SMG6: variants seen among roughly 807,000 people sequenced by gnomAD.
SMG6 encodes the protein SMG6 nonsense mediated mRNA decay factor.
In SMG6, 66 loss-of-function variants were observed where a neutral mutation model predicts 142.2. That is an observed-to-expected ratio of 0.46 (90% CI 0.38 to 0.57). SMG6 has a LOEUF of 0.57. Ranked by LOEUF, SMG6 falls within the 20% of genes least tolerant of loss-of-function variation. The pLI is 0.00. For missense variants in SMG6, 1,793 were observed against 1,832.0 expected, an observed-to-expected ratio of 0.98 and a Z score of 0.39; for synonymous variants, 779 against 702.4, an observed-to-expected ratio of 1.11 and a Z score of -1.72.
intron 13 of SMG6, among the ~76,000 whole-genome samples, chr17:2,164,331 G>A (rs1309107670): frequency 6.6e-6 from 1 of 151,722 alleles, no homozygotes; most frequent in Non-Finnish European, 1.5e-5. Context: ...GCTGAGGCAG[G>A]AGAATCGCTT....
At chr17:2,120,238 T>A (rs1471620891) in intron 13 of SMG6, among the ~76,000 whole-genome samples, 2 of 152,218 alleles carry the variant, frequency 1.3e-5, no homozygotes, top group African/African-American at 2.4e-5. Flanking sequence ...CTTTTGCTTA[T>A]CAAAAGATAT....
intron 8 of SMG6, among the ~76,000 whole-genome samples, chr17:2,274,192 C>T (rs1475406370): frequency 2.6e-5 from 4 of 152,288 alleles, no homozygotes; most frequent in South Asian, 4.1e-4. Flanking sequence ...AACATATGCC[C>T]TATAAAGTAA....
intron 10 of SMG6, among the ~76,000 whole-genome samples, chr17:2,203,028 T>A (rs1198017822): frequency 1.3e-5 from 2 of 152,126 alleles, no homozygotes; most frequent in Non-Finnish European, 2.9e-5. Context: ...GGGGGCTCTA[T>A]CAATACATCT....
At position 2,101,859 on chromosome 17, in the gene SMG6, T is replaced by A. The variant is rs544105316; in HGVS notation, c.3358-15958A>T. ...GCCAGTAACTGCAGGGGCCGGACTG[T>A]TCTAACTGCCACAGCTCTCCATGAT... On this transcript the variant is annotated intron_variant, in intron 13 of 18. Transcript: ENST00000263073. Among the ~76,000 whole-genome samples the A allele has an allele frequency of 3.3e-5, 5 of 152,320 alleles. No individual in the cohort carries two copies. The South Asian group carries it at 1.0e-3, about 32-fold the overall frequency.
At chr17:2,174,195 T>A (rs1409504670) in intron 12 of SMG6, among the ~76,000 whole-genome samples, 1 of 152,146 alleles carries the variant, frequency 6.6e-6, no homozygotes, top group African/African-American at 2.4e-5. Context: ...GGCCAGGAGT[T>A]CAAGACCAGC....
At chr17:2,183,095 G>A (rs539616529) in intron 12 of SMG6, among the ~76,000 whole-genome samples, 1 of 152,202 alleles carries the variant, frequency 6.6e-6, no homozygotes, top group Non-Finnish European at 1.5e-5. Context: ...GGTTGGTGGT[G>A]CATGCCTGTA....
At chr17:2,292,801 T>G in intron 5 of SMG6, 70 bp downstream of exon 5, 1 of 1,466,132 alleles carries the variant, frequency 6.8e-7, no homozygotes, top group Non-Finnish European at 9.6e-7. Context: ...CCACATGGCC[T>G]ACTGCTCTTA....
intron 8 of SMG6, among the ~76,000 whole-genome samples, chr17:2,278,363 C>T (rs1390305752): frequency 1.3e-5 from 2 of 151,942 alleles, no homozygotes; most frequent in African/African-American, 2.4e-5. Context: ...CCACTATGCC[C>T]AGGTAACTTT....
intron 3 of SMG6, 120 bp from the exon 4 acceptor site, chr17:2,297,473 G>T (rs992676231): frequency 1.4e-6 from 1 of 712,474 alleles, no homozygotes; most frequent in Non-Finnish European, 2.3e-6. Flanking sequence ...TATGAAAAGG[G>T]AGGCACGCAC....
intron 8 of SMG6, among the ~76,000 whole-genome samples, chr17:2,281,414 C>T (rs1156669649): frequency 6.6e-6 from 1 of 152,172 alleles, no homozygotes; most frequent in Admixed American, 6.5e-5. Context: ...CAGATGGGAG[C>T]CACCACACCA....
chr17:2,288,725 G>A (rs1296778553), intron 6 of SMG6, among the ~76,000 whole-genome samples: 2 of 151,736 alleles, frequency 1.3e-5, no homozygotes, highest in Non-Finnish European at 2.9e-5. Context: ...GAGCTCAGGA[G>A]TTCAAGACCA....
intron 12 of SMG6, among the ~76,000 whole-genome samples, chr17:2,184,203 A>G (rs1232992640): frequency 1.4e-4 from 22 of 152,020 alleles, no homozygotes; most frequent in Admixed American, 6.5e-5. Flanking sequence ...TCTCTACTAA[A>G]CATAAAAAAA....
intron 16 of SMG6, among the ~76,000 whole-genome samples, chr17:2,066,245 CGT>C (rs372078939): frequency 7.2e-5 from 11 of 151,944 alleles, no homozygotes; most frequent in African/African-American, 1.2e-4. Context: ...TGATACTGCA[CGT>C]GTGTGTGTGC....
At chr17:2,223,012 C>CGTCACAGGTGTGCCTCAAA (rs1555559071) in intron 10 of SMG6, among the ~76,000 whole-genome samples, 1 of 152,212 alleles carries the variant, frequency 6.6e-6, no homozygotes, top group Non-Finnish European at 1.5e-5. Flanking sequence ...AACAGGATGA[C>CGTCACAGGTGTGCCTCAAA]GTCACAGGTG....
chr17:2,132,732 GA>G (rs2070163064), intron 13 of SMG6, among the ~76,000 whole-genome samples: 1 of 152,160 alleles, frequency 6.6e-6, no homozygotes, highest in Admixed American at 6.5e-5. Flanking sequence ...TCAGGTCTGA[GA>G]GAGTGACAGA....
rs536838061 is a variant in SMG6 at position 2,091,722 on chromosome 17, G to C, written c.3358-5821C>G. Among the ~76,000 whole-genome samples the C allele has an allele frequency of 1.1e-3, 161 of 150,232 alleles. 2 individuals are homozygous for C. Among genetic ancestry groups the C allele is most frequent in the Non-Finnish European group, 1.6e-3 (111 of 67,736 alleles). On this transcript the variant is annotated intron_variant, in intron 13 of 18. Transcript: ENST00000263073. Reference sequence around the variant, plus strand: ...GTCTCGCTCTGTTGCCCAGGCTGGAGTGCAGTGGTGCGATCTCGGCTCACT... The same window carrying C: ...GTCTCGCTCTGTTGCCCAGGCTGGACTGCAGTGGTGCGATCTCGGCTCACT...
chr17:2,224,480 T>G (rs1050807182), intron 10 of SMG6, among the ~76,000 whole-genome samples: 3 of 152,246 alleles, frequency 2.0e-5, no homozygotes, highest in Admixed American at 6.5e-5. Flanking sequence ...ATGGGGCATA[T>G]TTAATAGAAG....
chr17:2,211,086 G>A (rs1452211242), intron 10 of SMG6, among the ~76,000 whole-genome samples: 3 of 136,010 alleles, frequency 2.2e-5, no homozygotes, highest in Admixed American at 1.6e-4. Flanking sequence ...ACTTCCTGGA[G>A]GAGCTGGATT....
rs746635212 is a variant in SMG6, at chr17:2,269,219, C to CA, written c.2661+13427dup. On this transcript the variant is annotated intron_variant, in intron 8 of 18. Transcript: ENST00000263073. ...TGGGCGACAGAGCCAGACTCCATCT[C>CA]AAAAAAAAAAAAAAAAAAAAAATTA... 4.5e-3 allele frequency among the ~76,000 whole-genome samples: 375 copies of CA among 82,526 alleles called. 1 individual carries two copies. Among genetic ancestry groups the CA allele is most frequent in the Non-Finnish European group, 4.7e-3 (202 of 43,186 alleles). 54.1% of individuals were successfully genotyped at this position (82,526 alleles called of 152,430 possible).
Sources: gnomAD v4.1 joint callset for allele counts (sites outside exome capture counted in the v4.1 genomes callset) on GRCh38, gnomAD v4.1.1 for gene constraint, MANE v1.5 for transcripts, NCBI Gene and HGNC (gene_info 2026-07-23, HGNC 2026-07-21) for gene names.